Variants in NR5A2 observed in about 807,000 individuals in gnomAD.
NR5A2 encodes CYP7A promoter-binding factor.
In NR5A2, 26 loss-of-function variants were observed where a neutral mutation model predicts 62.7. That is an observed-to-expected ratio of 0.41 (90% CI 0.30 to 0.58). The LOEUF is 0.58. NR5A2 is among the 20% of genes least tolerant of loss of function. NR5A2 has a pLI of 0.22. For synonymous variants in NR5A2, 246 were observed against 241.7 expected (o/e 1.02, Z -0.16); for missense variants, 541 against 669.1 (o/e 0.81, Z 2.11).
chr1:200,140,985 C>T (rs1169108838), intron 7 of NR5A2, among the ~76,000 whole-genome samples: 1 of 152,130 alleles, frequency 6.6e-6, no homozygotes, highest in Admixed American at 6.5e-5. Flanking sequence ...GAGCTGAGGT[C>T]ATGCCATTGC....
Position 200,087,848 on chromosome 1 carries a change from T to C in NR5A2, c.1111-23354T>C, listed in dbSNP as rs189672384. Among the ~76,000 whole-genome samples the C allele has an allele frequency of 6.6e-3, 1,006 of 151,384 alleles. 8 individuals carry two copies. The highest frequency in any genetic ancestry group is 0.023 in the African/African-American group (967 of 41,198). On this transcript the variant is annotated intron_variant, in intron 5 of 7. Coordinates refer to ENST00000367362, the MANE Select transcript of NR5A2 (RefSeq NM_205860.3). ...ATCACTGCAACCTCCGCCTCCTGGG[T>C]TCAAGCAATTCTCCCACCTCAGCCT...
chr1:200,088,657 A>G (rs1664671939), intron 5 of NR5A2, among the ~76,000 whole-genome samples: 1 of 152,170 alleles, frequency 6.6e-6, no homozygotes, highest in African/African-American at 2.4e-5. Flanking sequence ...ACCACATTAC[A>G]TGGGTCTCCC....
chr1:200,119,592 C>A (rs1412560601), intron 6 of NR5A2, among the ~76,000 whole-genome samples: 1 of 152,156 alleles, frequency 6.6e-6, no homozygotes, highest in African/African-American at 2.4e-5. Flanking sequence ...AATTGAACTT[C>A]TTATGTCCCC....
chr1:200,137,792 TAAAA>T (rs34148806), intron 7 of NR5A2, among the ~76,000 whole-genome samples: 3 of 152,116 alleles, frequency 2.0e-5, no homozygotes, highest in African/African-American at 7.2e-5. Context: ...TAATTTTTTT[TAAAA>T]AAAGTTTATT....
At chr1:200,150,325 A>G (rs1653010130) in intron 7 of NR5A2, among the ~76,000 whole-genome samples, 1 of 152,234 alleles carries the variant, frequency 6.6e-6, no homozygotes, top group East Asian at 1.9e-4. Flanking sequence ...ATCCATCACT[A>G]ACTTGTTTTT....
chr1:200,052,672 T>G (rs573040500), intron 5 of NR5A2, among the ~76,000 whole-genome samples: 12 of 152,058 alleles, frequency 7.9e-5, no homozygotes, highest in Non-Finnish European at 1.8e-4. Flanking sequence ...GACGGAGTCT[T>G]GCTTTGTCGC....
At chr1:200,144,221 T>A (rs1428258908) in intron 7 of NR5A2, among the ~76,000 whole-genome samples, 11 of 39,110 alleles carry the variant, frequency 2.8e-4, no homozygotes, top group South Asian at 8.0e-4. Context: ...TGTTTCTCTC[T>A]CTCTCTCTCT....
rs538585589 is a variant in NR5A2, at chr1:200,096,368, G to A, written c.1111-14834G>A. ...CTCCCAAAGTGCTGAGATTACAGGCGTGAGCCACTGTGCCTGGCCTGTGCT... is the reference window on the plus strand; with the variant it reads ...CTCCCAAAGTGCTGAGATTACAGGCATGAGCCACTGTGCCTGGCCTGTGCT... On this transcript the variant is annotated intron_variant, in intron 5 of 7. Coordinates refer to ENST00000367362, the MANE Select transcript of NR5A2 (RefSeq NM_205860.3). Among the ~76,000 whole-genome samples the A allele has an allele frequency of 5.9e-5, 9 of 152,104 alleles. No homozygotes were observed. In the South Asian group the frequency reaches 1.0e-3, roughly 17 times the overall value.
intron 7 of NR5A2, among the ~76,000 whole-genome samples, chr1:200,169,100 G>T (rs1163780640): frequency 6.6e-6 from 1 of 151,948 alleles, no homozygotes; most frequent in African/African-American, 2.4e-5. Flanking sequence ...TACTGGGACC[G>T]GGAGTAGCTG....
intron 2 of NR5A2, among the ~76,000 whole-genome samples, chr1:200,040,645 C>T (rs1662020339): frequency 6.6e-6 from 1 of 152,262 alleles, no homozygotes; most frequent in East Asian, 1.9e-4. Flanking sequence ...CACCGGTGCT[C>T]TTCCATCCTC....
intron 7 of NR5A2, among the ~76,000 whole-genome samples, chr1:200,127,414 T>G (rs568294954): frequency 1.3e-5 from 2 of 152,034 alleles, no homozygotes; most frequent in African/African-American, 4.8e-5. Flanking sequence ...CAGTGGCTCA[T>G]GCCTGTAATC....
chr1:200,041,943 TCA>T (rs1029916571), intron 2 of NR5A2, among the ~76,000 whole-genome samples: 15 of 152,138 alleles, frequency 9.9e-5, no homozygotes, highest in African/African-American at 3.6e-4. Context: ...GTAGAAAAGA[TCA>T]CAGTTGGGAA....
intron 7 of NR5A2, 117 bp downstream of exon 7, chr1:200,121,072 A>G: frequency 9.6e-7 from 1 of 1,043,128 alleles, no homozygotes; most frequent in Non-Finnish European, 1.4e-6. Context: ...CCTTCCTGTC[A>G]AATTATGAAA....
intron 7 of NR5A2, among the ~76,000 whole-genome samples, chr1:200,157,504 GA>G (rs925107087): frequency 5.4e-5 from 8 of 149,384 alleles, no homozygotes; most frequent in African/African-American, 1.7e-4. Context: ...TCATTACACT[GA>G]AAAAAAAATA....
chr1:200,140,161 T>C (rs1203287551), intron 7 of NR5A2, among the ~76,000 whole-genome samples: 1 of 152,204 alleles, frequency 6.6e-6, no homozygotes, highest in African/African-American at 2.4e-5. Context: ...TATTTATTTC[T>C]TTATATCATT....
At chr1:200,151,345 G>A (rs12119319) in intron 7 of NR5A2, among the ~76,000 whole-genome samples, 23,870 of 152,154 alleles carry the variant, frequency 0.16, 2,463 homozygotes, top group African/African-American at 0.29. Flanking sequence ...TACTGTCAGA[G>A]CATCATGTAT....
intron 5 of NR5A2, among the ~76,000 whole-genome samples, chr1:200,093,629 G>A (rs769363053): frequency 2.6e-5 from 4 of 152,172 alleles, no homozygotes; most frequent in East Asian, 1.9e-4. Context: ...TTACAAGCTC[G>A]TTGAAAAGTG....
At chr1:200,126,319 T>C (rs1005400193) in intron 7 of NR5A2, among the ~76,000 whole-genome samples, 1 of 152,190 alleles carries the variant, frequency 6.6e-6, no homozygotes, top group African/African-American at 2.4e-5. Flanking sequence ...TTTTATTCTT[T>C]TATTTTTTCT....
At chr1:200,148,171 A>C (rs1667807845) in intron 7 of NR5A2, 1 of 366,100 alleles carries the variant, frequency 2.7e-6, no homozygotes, top group Admixed American at 5.5e-5. Context: ...ACCAGATTGT[A>C]GTGGACGCTT....
Sources: allele counts gnomAD v4.1 joint callset (sites outside exome capture counted in the v4.1 genomes callset), GRCh38; gene constraint gnomAD v4.1.1; transcripts MANE v1.5; gene names NCBI Gene and HGNC (gene_info 2026-07-23, HGNC 2026-07-21).